ABCA5: variants seen among roughly 807,000 people sequenced by gnomAD.
ABCA5 encodes cholesterol transporter ABCA5.
In ABCA5, 163 loss-of-function variants were observed where a neutral mutation model predicts 206.0. That is an observed-to-expected ratio of 0.79 (90% CI 0.70 to 0.90). ABCA5 has a LOEUF of 0.90. Among genes scored for constraint, ABCA5 ranks in the 40% least tolerant of loss-of-function variants. ABCA5 has a pLI of 0.00. For synonymous variants in ABCA5, 609 were observed against 613.8 expected, an observed-to-expected ratio of 0.99 and a Z score of 0.11; for missense variants, 1,859 against 1,912.9, an observed-to-expected ratio of 0.97 and a Z score of 0.53.
At chr17:69,289,156 G>A (rs373289423) in intron 14 of ABCA5, 21 bp downstream of exon 14, 31 of 1,590,578 alleles carry the variant, frequency 1.9e-5, no homozygotes, top group East Asian at 1.4e-4. Flanking sequence ...GAGCTCATCT[G>A]TAAAAGTAAT....
rs959086504 is a variant in ABCA5 at position 69,307,298 on chromosome 17, G to A, written c.559-344C>T. Among the ~76,000 whole-genome samples, 3 of 151,904 alleles carry A rather than the reference G, an allele frequency of 2.0e-5. No individual in the cohort carries two copies. In the South Asian group the frequency reaches 6.2e-4, roughly 32 times the overall value. On this transcript the variant is annotated intron_variant, in intron 5 of 38. Transcript: ENST00000392676. Reference sequence around the variant, plus strand: ...AAAAATATACATCTTCAAAATTTAGGAATTTAGGAGTGATTATTAGTGCCA... The same window carrying A: ...AAAAATATACATCTTCAAAATTTAGAAATTTAGGAGTGATTATTAGTGCCA...
chr17:69,298,651 G>C (rs1430669510), intron 9 of ABCA5, among the ~76,000 whole-genome samples: 1 of 151,742 alleles, frequency 6.6e-6, no homozygotes, highest in Non-Finnish European at 1.5e-5. Flanking sequence ...ACACGTAGAA[G>C]AATGAAACTG....
chr17:69,264,974 T>C (rs1430975991), intron 23 of ABCA5, 69 bp from the exon 24 acceptor site: 2 of 1,110,904 alleles, frequency 1.8e-6, no homozygotes, highest in African/African-American at 3.3e-5. Flanking sequence ...AATTAGTAAA[T>C]TATTGTAGAT....
At chr17:69,248,489 T>C in intron 37 of ABCA5, 172 bp from the exon 38 acceptor site, 1 of 501,212 alleles carries the variant, frequency 2.0e-6, no homozygotes. Context: ...CCCACACCTA[T>C]AATTCCTCTA....
chr17:69,271,425 A>C, intron 20 of ABCA5, 136 bp from the exon 21 acceptor site: 1 of 943,518 alleles, frequency 1.1e-6, no homozygotes, highest in African/African-American at 1.7e-5. Context: ...TTGGCTCTGA[A>C]GCCAGTCAGC....
At chr17:69,316,778 A>C (rs2075820678) in intron 1 of ABCA5, 1 of 152,230 alleles carries the variant, frequency 6.6e-6, no homozygotes, top group Non-Finnish European at 1.5e-5. Flanking sequence ...CAGTCAGAGA[A>C]CAATGATGTA....
chr17:69,282,765 CAAAA>C (rs71144668), intron 18 of ABCA5, among the ~76,000 whole-genome samples: 4 of 107,912 alleles, frequency 3.7e-5, no homozygotes, highest in Non-Finnish European at 5.8e-5. Flanking sequence ...GAGCAAGACT[CAAAA>C]AAAAAAAAAA....
rs186760413 is a variant in ABCA5, at chr17:69,253,022, C to T, written c.4415+551G>A. ...ACAAATACCATTGTGTTACAACTGCCTACAGTATTCAGTGCAGTGACATGC... is the reference window on the plus strand; with the variant it reads ...ACAAATACCATTGTGTTACAACTGCTTACAGTATTCAGTGCAGTGACATGC... On this transcript the variant is annotated intron_variant, in intron 34 of 38. Transcript: ENST00000392676. 3.3e-5 allele frequency among the ~76,000 whole-genome samples: 5 copies of T among 152,002 alleles called. No individual in the cohort carries two copies. In the East Asian group the frequency reaches 9.7e-4, roughly 29 times the overall value.
intron 2 of ABCA5, among the ~76,000 whole-genome samples, chr17:69,313,921 G>T (rs1366241119): frequency 1.3e-5 from 2 of 151,982 alleles, no homozygotes; most frequent in Non-Finnish European, 2.9e-5. Flanking sequence ...TATGCTGTGG[G>T]TACAAATCTG....
At chr17:69,277,285 A>T (rs1473851213) in intron 19 of ABCA5, among the ~76,000 whole-genome samples, 1 of 152,220 alleles carries the variant, frequency 6.6e-6, no homozygotes, top group African/African-American at 2.4e-5. Flanking sequence ...GCAAAACAAA[A>T]TTTAAGATAC....
intron 23 of ABCA5, among the ~76,000 whole-genome samples, chr17:69,266,782 ATAT>A (rs1384087790): frequency 2.0e-5 from 3 of 148,524 alleles, no homozygotes; most frequent in Non-Finnish European, 4.5e-5. Context: ...CAAAAATTGA[ATAT>A]TATTTTAAAA....
intron 1 of ABCA5, chr17:69,325,751 A>G (rs1443148150): frequency 6.6e-6 from 1 of 152,240 alleles, no homozygotes; most frequent in Non-Finnish European, 1.5e-5. Context: ...GGGTCCCTAG[A>G]GTCCAGACGT....
intron 34 of ABCA5, among the ~76,000 whole-genome samples, chr17:69,253,058 T>C (rs1305975669): frequency 6.6e-6 from 1 of 152,182 alleles, no homozygotes; most frequent in Admixed American, 6.5e-5. Flanking sequence ...TCTACAGATT[T>C]ATAGCCTAGG....
At chr17:69,281,752 A>G (rs2075396001) in intron 18 of ABCA5, among the ~76,000 whole-genome samples, 1 of 152,172 alleles carries the variant, frequency 6.6e-6, no homozygotes. Context: ...CTACCAAACC[A>G]TGAATAATTA....
intron 23 of ABCA5, 78 bp downstream of exon 23, chr17:69,267,865 C>G (rs1055771482): frequency 7.2e-6 from 5 of 693,152 alleles, no homozygotes; most frequent in Admixed American, 2.5e-5. Flanking sequence ...TTATACTAAG[C>G]CTTGCAATCA....
rs561386053 is a variant in ABCA5 at position 69,274,593 on chromosome 17, GA to G, written c.2595-466del. On this transcript the variant is annotated intron_variant, in intron 19 of 38. Coordinates refer to ENST00000392676, the MANE Select transcript of ABCA5 (RefSeq NM_172232.4). ...CTGAAAAAAACAAAGAAAAAAAACT[GA>G]AAAAAAAAAATAAGAAATCGTATTC... 6.8e-3 allele frequency among the ~76,000 whole-genome samples: 957 copies of G among 139,862 alleles called. 14 individuals carry two copies. Among genetic ancestry groups the G allele is most frequent in the African/African-American group, 0.023 (867 of 38,164 alleles). The allele number at this position is 139,862 out of a possible 152,430, so 91.8% of individuals were successfully genotyped here.
Position 69,245,906 on chromosome 17 carries a change from C to T in ABCA5, c.*1631G>A, listed in dbSNP as rs540348448. 6.4e-4 allele frequency: 97 copies of T among 152,042 alleles called. No individual in the cohort carries two copies. The highest frequency in any genetic ancestry group is 3.4e-3 in the Middle Eastern group (1 of 294). 9.4% of individuals were successfully genotyped at this position (152,042 alleles called of 1,614,324 possible). ...GGTTCTAAAAAAAACTATGCTTTTT[C>T]GTGACTGCCTTAGTAAACTATAGAT... On this transcript the variant is annotated 3_prime_UTR_variant, in exon 39 of 39. Transcript: ENST00000392676.
chr17:69,249,524 TGCTGCTGGACTAACTGCA>T, intron 37 of ABCA5: 1 of 189,088 alleles, frequency 5.3e-6, no homozygotes, highest in Non-Finnish European at 1.1e-5. Context: ...TCAGAGCTCT[TGCTGCTGGACTAACTGCA>T]AAGACTCGAT....
chr17:69,297,417 C>T (rs528015460), intron 9 of ABCA5, 58 bp from the exon 10 acceptor site: 76 of 1,492,794 alleles, frequency 5.1e-5, no homozygotes, highest in African/African-American at 4.9e-4. Flanking sequence ...ATCATAAAGA[C>T]AGCATTTCAA....
Sources: gnomAD v4.1 joint callset for allele counts (sites outside exome capture counted in the v4.1 genomes callset) on GRCh38, gnomAD v4.1.1 for gene constraint, MANE v1.5 for transcripts, NCBI Gene and HGNC (gene_info 2026-07-23, HGNC 2026-07-21) for gene names.